Variants in GKAP1 observed in about 807,000 individuals in gnomAD.
GKAP1 encodes the protein G kinase-anchoring protein 1.
Under a neutral mutation model 56.7 loss-of-function variants are expected in GKAP1, and 31 were observed. The observed-to-expected ratio is 0.55, with a 90% confidence interval of 0.41 to 0.74. The LOEUF is 0.74. Ranked by LOEUF, GKAP1 falls within the 30% of genes least tolerant of loss-of-function variation. The pLI, the probability that GKAP1 is intolerant of heterozygous loss-of-function variation, is 0.00. For synonymous variants in GKAP1, 151 were observed against 138.6 expected, an observed-to-expected ratio of 1.09 and a Z score of -0.63; for missense variants, 364 against 402.3, an observed-to-expected ratio of 0.90 and a Z score of 0.82.
chr9:83,814,562 A>G (rs997716173), intron 2 of GKAP1, among the ~76,000 whole-genome samples: 11 of 152,354 alleles, frequency 7.2e-5, no homozygotes, highest in African/African-American at 2.4e-4. Context: ...TCCTGATTTC[A>G]AGATCCTGAA....
chr9:83,754,490 A>G (rs954988368), intron 8 of GKAP1, among the ~76,000 whole-genome samples: 1 of 152,228 alleles, frequency 6.6e-6, no homozygotes, highest in Non-Finnish European at 1.5e-5. Flanking sequence ...TCTTTTCTAG[A>G]TTAGTAAAGC....
intron 3 of GKAP1, among the ~76,000 whole-genome samples, chr9:83,805,479 TA>T (rs1206558059): frequency 0.014 from 2,000 of 145,248 alleles, 27 homozygotes; most frequent in Non-Finnish European, 0.019. Flanking sequence ...AAATAAAAAA[TA>T]AAAAAAAAAC....
At chr9:83,741,040 T>C (rs983195803) in intron 12 of GKAP1, among the ~76,000 whole-genome samples, 4 of 152,098 alleles carry the variant, frequency 2.6e-5, no homozygotes, top group Non-Finnish European at 5.9e-5. Flanking sequence ...TATTTCCAGT[T>C]AGCAGAAAAA....
At chr9:83,804,309 C>T (rs1160915660) in intron 3 of GKAP1, among the ~76,000 whole-genome samples, 9 of 142,594 alleles carry the variant, frequency 6.3e-5, no homozygotes, top group African/African-American at 2.4e-4. Flanking sequence ...GGGGGGTCAG[C>T]ACCCCGCCCG....
At chr9:83,791,831 T>A (rs1036302590) in intron 4 of GKAP1, among the ~76,000 whole-genome samples, 4 of 152,156 alleles carry the variant, frequency 2.6e-5, no homozygotes, top group African/African-American at 9.7e-5. Context: ...ACAAATGTGA[T>A]TCAGGAATAC....
At chr9:83,795,755 T>C (rs1944236552) in intron 4 of GKAP1, among the ~76,000 whole-genome samples, 1 of 152,136 alleles carries the variant, frequency 6.6e-6, no homozygotes, top group African/African-American at 2.4e-5. Flanking sequence ...ATTTGCCATA[T>C]TGCCTAGGCT....
intron 4 of GKAP1, among the ~76,000 whole-genome samples, chr9:83,789,872 C>G (rs1944125804): frequency 6.6e-6 from 1 of 152,064 alleles, no homozygotes. Flanking sequence ...TTTTCAAGAC[C>G]TAATTATTTA....
chr9:83,799,234 T>C lies in GKAP1; in HGVS notation c.311A>G (p.Lys104Arg). ...HDLPLSNPVQ[K>R]DSREENWQEW... ...TTGCCAATTTTCTTCTCGTGAATCC[T>C]TCTGTACTGGGTTTGACAATGGAAG... The change falls in exon 4 of 13, where the codon AAG becomes AGG. Residue 104 changes from lysine to arginine, a missense_variant. Physicochemically the swap from Lys to Arg is conservative, Grantham distance 26. Transcript: ENST00000376371. The C allele has an allele frequency of 6.2e-7, 1 of 1,613,374 alleles. No homozygotes were observed. The highest frequency in any genetic ancestry group is 8.5e-7 in the Non-Finnish European group (1 of 1,179,604).
chr9:83,775,021 T>C (rs1943833370), intron 7 of GKAP1, among the ~76,000 whole-genome samples: 1 of 151,514 alleles, frequency 6.6e-6, no homozygotes, highest in Admixed American at 6.6e-5. Context: ...CTTTTTTTTT[T>C]TTTAAGAGAT....
chr9:83,749,029 AAT>A, intron 9 of GKAP1: 1 of 152,162 alleles, frequency 6.6e-6, no homozygotes, highest in South Asian at 2.1e-4. Context: ...ACTTTACCCA[AAT>A]ATCTTTCAAC....
intron 7 of GKAP1, among the ~76,000 whole-genome samples, chr9:83,773,034 T>TA (rs1255245849): frequency 2.6e-5 from 4 of 152,140 alleles, no homozygotes; most frequent in Non-Finnish European, 5.9e-5. Flanking sequence ...CTTTAAAAGT[T>TA]AGACATAAAT....
intron 8 of GKAP1, among the ~76,000 whole-genome samples, chr9:83,761,128 A>G (rs1349915383): frequency 6.6e-6 from 1 of 151,838 alleles, no homozygotes; most frequent in Non-Finnish European, 1.5e-5. Context: ...AAAAAACCTA[A>G]AAATTAAAAA....
chr9:83,772,557 T>G (rs944094282), intron 7 of GKAP1, among the ~76,000 whole-genome samples: 1 of 152,070 alleles, frequency 6.6e-6, no homozygotes, highest in Non-Finnish European at 1.5e-5. Context: ...TGATAACAAT[T>G]TAAAACTTTT....
intron 7 of GKAP1, among the ~76,000 whole-genome samples, chr9:83,779,525 GTGTATATGTGTATATATATA>G (rs1943927814): frequency 2.7e-5 from 3 of 109,302 alleles, no homozygotes; most frequent in African/African-American, 7.4e-5. Flanking sequence ...ATATATACAC[GTGTATATGTGTATATATATA>G]CACGTGTATA....
At position 83,739,763 on chromosome 9, in the gene GKAP1, ATAGGG is replaced by A; in HGVS notation, c.1054-24_1054-20del. 6.4e-7 allele frequency: 1 copy of A among 1,556,624 alleles called. No homozygotes were observed. Among genetic ancestry groups the A allele is most frequent in the Non-Finnish European group, 8.8e-7 (1 of 1,135,586 alleles). ...TGCCACCCTGTAAAAAAAAAAAAAAATAGGGAAAATTATTTACAACATACCATTTT... is the reference window on the plus strand; with the variant it reads ...TGCCACCCTGTAAAAAAAAAAAAAAAAAAATTATTTACAACATACCATTTT... On this transcript the variant is annotated intron_variant, in intron 12 of 12. Transcript: ENST00000376371.
At position 83,811,964 on chromosome 9, in the gene GKAP1, A is replaced by G. The variant is rs112612608; in HGVS notation, c.-44+5032T>C. Among the ~76,000 whole-genome samples the G allele has an allele frequency of 6.6e-5, 10 of 152,270 alleles. 1 individual carries two copies. Among genetic ancestry groups the G allele is most frequent in the African/African-American group, 2.4e-4 (10 of 41,564 alleles). ...AAATCTACATACTATGTCAAAAGGTACAACGACCAGTACTTCAGAAGTAGA... is the reference window on the plus strand; with the variant it reads ...AAATCTACATACTATGTCAAAAGGTGCAACGACCAGTACTTCAGAAGTAGA... On this transcript the variant is annotated intron_variant, in intron 2 of 12. Transcript: ENST00000376371.
At chr9:83,799,375 G>A in intron 3 of GKAP1, 47 bp from the exon 4 acceptor site, 1 of 1,301,420 alleles carries the variant, frequency 7.7e-7, no homozygotes, top group Non-Finnish European at 1.1e-6. Flanking sequence ...ACCAATCCTG[G>A]GATACTAATG....
At position 83,741,360 on chromosome 9, in the gene GKAP1, T is replaced by TCACACACACA. The variant is rs35325635; in HGVS notation, c.1053+582_1053+591dup. Among the ~76,000 whole-genome samples, 35 of 48,650 alleles carry TCACACACACA rather than the reference T, an allele frequency of 7.2e-4. No individual in the cohort carries two copies. In the South Asian group the frequency reaches 0.013, roughly 19 times the overall value. 31.9% of individuals were successfully genotyped at this position (48,650 alleles called of 152,430 possible). A position where few individuals can be genotyped will look rare whatever the true frequency, so the allele number is the denominator to read the frequency against. ...ATATACACACACATAAATATATCTC[T>TCACACACACA]CACACACACACACACACACACACAC... On this transcript the variant is annotated intron_variant, in intron 12 of 12. Transcript: ENST00000376371.
intron 10 of GKAP1, among the ~76,000 whole-genome samples, chr9:83,746,145 T>C (rs1000846127): frequency 2.6e-5 from 4 of 152,186 alleles, no homozygotes; most frequent in African/African-American, 9.7e-5. Flanking sequence ...ATAAAAAATA[T>C]AAGGTTGAAC....
Sources: allele counts gnomAD v4.1 joint callset (sites outside exome capture counted in the v4.1 genomes callset), GRCh38; gene constraint gnomAD v4.1.1; transcripts MANE v1.5; gene names NCBI Gene and HGNC (gene_info 2026-07-23, HGNC 2026-07-21).